Variants in PCDHGB7 observed in about 807,000 individuals in gnomAD.
The protein encoded by PCDHGB7 is protocadherin gamma-B7.
Under a neutral mutation model 61.4 loss-of-function variants are expected in PCDHGB7, and 37 were observed. That is an observed-to-expected ratio of 0.60 (90% CI 0.46 to 0.79). The LOEUF (loss-of-function observed/expected upper bound fraction) is 0.79. PCDHGB7 is among the 30% of genes least tolerant of loss of function. The pLI is 0.00. For synonymous variants in PCDHGB7, 464 were observed against 503.5 expected, an observed-to-expected ratio of 0.92 and a Z score of 1.05; for missense variants, 1,166 against 1,202.5, an observed-to-expected ratio of 0.97 and a Z score of 0.45.
Position 141,491,197 on chromosome 5 carries a change from G to A in PCDHGB7, c.2416-3610G>A. Reference sequence around the variant, plus strand: ...GGTGGTCCTGGTGAGGGACAATGGTGACCCTTCACTCTCCTCCACAGCCAC... The same window carrying A: ...GGTGGTCCTGGTGAGGGACAATGGTAACCCTTCACTCTCCTCCACAGCCAC... On this transcript the variant is annotated intron_variant, in intron 1 of 3. Coordinates refer to ENST00000398594, the MANE Select transcript of PCDHGB7 (RefSeq NM_018927.4). The surrounding 1 kb of genome is among the most constrained non-coding windows in gnomAD (Gnocchi z 6.9). 6.2e-7 allele frequency: 1 copy of A among 1,614,190 alleles called. No individual in the cohort carries two copies. The highest frequency in any genetic ancestry group is 8.5e-7 in the Non-Finnish European group (1 of 1,180,024).
chr5:141,503,960 T>TTC (rs2099834474), intron 2 of PCDHGB7, among the ~76,000 whole-genome samples: 1 of 152,172 alleles, frequency 6.6e-6, no homozygotes, highest in Admixed American at 6.5e-5. Flanking sequence ...CCTACAGCCT[T>TTC]TCCCATGGTG....
At position 141,491,489 on chromosome 5, in the gene PCDHGB7, A is replaced by T; in HGVS notation, c.2416-3318A>T. 1.2e-6 allele frequency: 2 copies of T among 1,614,130 alleles called. No individual in the cohort carries two copies. Among genetic ancestry groups the T allele is most frequent in the Non-Finnish European group, 1.7e-6 (2 of 1,180,018 alleles). On this transcript the variant is annotated intron_variant, in intron 1 of 3. Coordinates refer to ENST00000398594, the MANE Select transcript of PCDHGB7 (RefSeq NM_018927.4). This position sits in a 1 kb window ranked among gnomAD's most constrained non-coding sequence, Gnocchi z 6.9. ...TATAAGCAGTCCAGCCCCAACCTGC[A>T]GGTGAGCTCGGACGGCACGCTCAAG... is the stretch of plus-strand genomic sequence containing the variant.
intron 1 of PCDHGB7, among the ~76,000 whole-genome samples, chr5:141,465,094 G>GTT (rs138941665): frequency 3.4e-5 from 5 of 148,194 alleles, no homozygotes; most frequent in Non-Finnish European, 6.0e-5. Flanking sequence ...TTTTCTAGTA[G>GTT]TTTTTTTTTT....
In PCDHGB7 at chr5:141,417,875, G is replaced by C. The variant is rs2096176700; in HGVS notation, c.16G>C (p.Ala6Pro). The C allele has an allele frequency of 1.3e-6, 2 of 1,556,360 alleles. No individual in the cohort carries two copies. The highest frequency in any genetic ancestry group is 1.7e-6 in the Non-Finnish European group (2 of 1,149,292). The change falls in exon 1 of 4, where the codon GCG becomes CCG. Residue 6 changes from alanine (A) to proline (P), a missense_variant. Ala to Pro is a conservative substitution (Grantham distance 27). Coordinates refer to ENST00000398594, the MANE Select transcript of PCDHGB7 (RefSeq NM_018927.4). ...CGAGCGAACGATGGGAGGGAGCTGC[G>C]CGCAGAGGCGCCGGGCCGGCCCGCG... MGGSC[A>P]QRRRAGPRQV...
rs2099085120 is a variant in PCDHGB7, at chr5:141,464,455, T to C, written c.2416-30352T>C. Among the ~76,000 whole-genome samples, 2 of 151,794 alleles carry C rather than the reference T, an allele frequency of 1.3e-5. 1 individual carries two copies. Among genetic ancestry groups the C allele is most frequent in the Non-Finnish European group, 2.9e-5 (2 of 67,958 alleles). On this transcript the variant is annotated intron_variant, in intron 1 of 3. Coordinates refer to ENST00000398594, the MANE Select transcript of PCDHGB7 (RefSeq NM_018927.4). ...TATATGTTTGTTGTTGTTGTTGTTA[T>C]TTTTGAAGTATGTACGTATAATAAA...
chr5:141,497,032 T>C (rs1206131945), intron 2 of PCDHGB7, among the ~76,000 whole-genome samples: 1 of 151,652 alleles, frequency 6.6e-6, no homozygotes, highest in East Asian at 1.9e-4. Flanking sequence ...CGATTAAAAA[T>C]ACAAAAATTA....
At chr5:141,479,651 C>CAAA (rs931031810) in intron 1 of PCDHGB7, 2 of 152,124 alleles carry the variant, frequency 1.3e-5, no homozygotes, top group African/African-American at 2.4e-5. Flanking sequence ...ACAACAACAA[C>CAAA]AATCCCAGAA....
intron 2 of PCDHGB7, among the ~76,000 whole-genome samples, chr5:141,500,259 A>G (rs1595658540): frequency 6.6e-6 from 1 of 151,044 alleles, no homozygotes; most frequent in East Asian, 2.0e-4. Context: ...CCCAGGCTGG[A>G]CTGCAGTGGC....
rs1001719735 is a variant in PCDHGB7 at position 141,512,055 on chromosome 5, TGAC to T, written c.*883_*885del. 10 of 152,698 alleles carry T rather than the reference TGAC, an allele frequency of 6.5e-5. No homozygotes were observed. The highest frequency in any genetic ancestry group is 1.4e-4 in the African/African-American group (6 of 41,450). 9.5% of individuals were successfully genotyped at this position (152,698 alleles called of 1,614,324 possible). On this transcript the variant is annotated 3_prime_UTR_variant, in exon 4 of 4. Coordinates refer to ENST00000398594, the MANE Select transcript of PCDHGB7 (RefSeq NM_018927.4). ...GAGGCTCTGTATGTCCTCAGGGGACTGACAACATCCTCCAGATTCCAGCCATAA... is the reference window on the plus strand; with the variant it reads ...GAGGCTCTGTATGTCCTCAGGGGACTAACATCCTCCAGATTCCAGCCATAA...
Position 141,432,911 on chromosome 5 carries a change from C to G in PCDHGB7, c.2415+12637C>G. 5 of 1,614,176 alleles carry G rather than the reference C, an allele frequency of 3.1e-6. No homozygotes were observed. Among genetic ancestry groups the G allele is most frequent in the Non-Finnish European group, 4.2e-6 (5 of 1,180,014 alleles). Reference sequence around the variant, plus strand: ...CTTGCTGCTGGCGCTCAGGCTGCGGCGCTGGCACAAGTCACGCCTGCTGCA... The same window carrying G: ...CTTGCTGCTGGCGCTCAGGCTGCGGGGCTGGCACAAGTCACGCCTGCTGCA... On this transcript the variant is annotated intron_variant, in intron 1 of 3. Transcript: ENST00000398594. This position sits in a 1 kb window ranked among gnomAD's most constrained non-coding sequence, Gnocchi z 6.0.
chr5:141,478,870 GT>G, intron 1 of PCDHGB7: 1 of 1,273,360 alleles, frequency 7.9e-7, no homozygotes, highest in Non-Finnish European at 1.0e-6. Context: ...AGCGATCAGA[GT>G]TTAGCTTGGT....
At chr5:141,437,187 G>A (rs1055878763) in intron 1 of PCDHGB7, among the ~76,000 whole-genome samples, 1 of 152,148 alleles carries the variant, frequency 6.6e-6, no homozygotes, top group Non-Finnish European at 1.5e-5. Context: ...ACTGGGCAAT[G>A]GGTTTGGATG....
intron 1 of PCDHGB7, 68 bp downstream of exon 1, chr5:141,420,342 T>C: frequency 7.2e-7 from 1 of 1,388,390 alleles, no homozygotes; most frequent in Non-Finnish European, 9.6e-7. Flanking sequence ...AATATAGTGG[T>C]ATTATTTTAA....
At chr5:141,444,115 AG>A (rs1206374963) in intron 1 of PCDHGB7, among the ~76,000 whole-genome samples, 3 of 147,326 alleles carry the variant, frequency 2.0e-5, no homozygotes, top group Admixed American at 2.0e-4. Context: ...AGAAAAGTGA[AG>A]TATCTCAACA....
chr5:141,419,581 C>T lies in PCDHGB7; in HGVS notation c.1722C>T (p.Leu574=). 6.2e-7 allele frequency: 1 copy of T among 1,611,888 alleles called. No homozygotes were observed. The highest frequency in any genetic ancestry group is 1.1e-5 in the South Asian group (1 of 90,986). Residue 574 remains leucine (L), a synonymous_variant, in exon 1 of 4, where the codon CTC becomes CTT. Transcript: ENST00000398594. ...CGCTGGGTCCCGACGGCTCCGCGCTCTTCGACACAGTGCCGCGGGCCGCGC... is the reference window on the plus strand; with the variant it reads ...CGCTGGGTCCCGACGGCTCCGCGCTTTTCGACACAGTGCCGCGGGCCGCGC... ...YPALGPDGSA[L]FDTVPRAAQP...
intron 1 of PCDHGB7, among the ~76,000 whole-genome samples, chr5:141,466,292 T>C (rs1050311680): frequency 3.3e-5 from 5 of 152,134 alleles, no homozygotes; most frequent in Non-Finnish European, 5.9e-5. Context: ...CACCTCAGGC[T>C]CCCAAGTAGC....
intron 2 of PCDHGB7, among the ~76,000 whole-genome samples, chr5:141,498,847 C>T (rs932801278): frequency 1.3e-5 from 2 of 151,856 alleles, no homozygotes; most frequent in Admixed American, 1.3e-4. Flanking sequence ...GCAGGGGAAT[C>T]GCTTGAACCC....
rs768559201 is a variant in PCDHGB7, at chr5:141,431,344, G to A, written c.2415+11070G>A. Reference sequence around the variant, plus strand: ...ACGGTAGTAAGTACCCCGAATTGGTGCTGAAACGCGCCCTGGACCGCGAAG... The same window carrying A: ...ACGGTAGTAAGTACCCCGAATTGGTACTGAAACGCGCCCTGGACCGCGAAG... On this transcript the variant is annotated intron_variant, in intron 1 of 3. Coordinates refer to ENST00000398594, the MANE Select transcript of PCDHGB7 (RefSeq NM_018927.4). The surrounding 1 kb of genome is among the most constrained non-coding windows in gnomAD (Gnocchi z 4.8). 3.9e-5 allele frequency: 63 copies of A among 1,614,078 alleles called. No homozygotes were observed. Among genetic ancestry groups the A allele is most frequent in the Non-Finnish European group, 5.0e-5 (59 of 1,180,044 alleles).
In PCDHGB7 at chr5:141,418,079, C is replaced by A; in HGVS notation, c.220C>A (p.His74Asn). Residue 74 changes from histidine to asparagine, a missense_variant, in exon 1 of 4, where the codon CAC (histidine) becomes AAC (asparagine). His to Asn is a moderately conservative substitution (Grantham distance 68). Transcript: ENST00000398594. ...GCTGCGAGTGAGCGCGGAGAAGCTG[C>A]ACTTCAGCGTAGACGCGCAGAGCGG... ...RELRVSAEKL[H>N]FSVDAQSGDL... The A allele has an allele frequency of 6.2e-7, 1 of 1,614,048 alleles. No individual in the cohort carries two copies. Among genetic ancestry groups the A allele is most frequent in the Non-Finnish European group, 8.5e-7 (1 of 1,179,892 alleles).
Sources: gnomAD v4.1 joint callset for allele counts (sites outside exome capture counted in the v4.1 genomes callset) on GRCh38, gnomAD v4.1.1 for gene constraint, Gnocchi (gnomAD v3.1) non-coding constraint, MANE v1.5 for transcripts, NCBI Gene and HGNC (gene_info 2026-07-23, HGNC 2026-07-21) for gene names.